Variants in ARID2 observed in about 807,000 individuals in gnomAD.
ARID2 encodes AT-rich interactive domain-containing protein 2.
In ARID2, 32 loss-of-function variants were observed where a neutral mutation model predicts 184.6. The ratio of observed to expected loss-of-function variants is 0.17; its 90% CI spans 0.13 to 0.23. The LOEUF (loss-of-function observed/expected upper bound fraction) is 0.23. ARID2 is among the 10% of genes least tolerant of loss of function. The pLI, the probability that ARID2 is intolerant of heterozygous loss-of-function variation, is 1.00. For synonymous variants in ARID2, 836 were observed against 772.6 expected, an observed-to-expected ratio of 1.08 and a Z score of -1.36; for missense variants, 1,696 against 2,197.6, an observed-to-expected ratio of 0.77 and a Z score of 4.56.
intron 6 of ARID2, among the ~76,000 whole-genome samples, chr12:45,831,980 C>T (rs1336904887): frequency 6.6e-6 from 1 of 151,984 alleles, no homozygotes; most frequent in Non-Finnish European, 1.5e-5. Context: ...TTATACATAG[C>T]GTTTCTTTAG....
At chr12:45,861,924 T>G in intron 16 of ARID2, among the ~76,000 whole-genome samples, 1 of 152,184 alleles carries the variant, frequency 6.6e-6, no homozygotes, top group South Asian at 2.1e-4. Flanking sequence ...TATCAAAGAT[T>G]CCATTTCACT....
chr12:45,738,141 C>T (rs1295722153), intron 3 of ARID2, among the ~76,000 whole-genome samples: 4 of 151,602 alleles, frequency 2.6e-5, no homozygotes, highest in South Asian at 2.1e-4. Context: ...ATTTGTTTTA[C>T]TGAATTTACT....
intron 16 of ARID2, chr12:45,874,297 T>C (rs1943973599): frequency 6.3e-6 from 1 of 158,546 alleles, no homozygotes; most frequent in Non-Finnish European, 1.4e-5. Flanking sequence ...GCCACTGCAC[T>C]CCAACCTGGA....
chr12:45,803,914 C>T (rs1942552934), intron 3 of ARID2, among the ~76,000 whole-genome samples: 1 of 152,162 alleles, frequency 6.6e-6, no homozygotes, highest in Non-Finnish European at 1.5e-5. Flanking sequence ...AAAGGTTCCA[C>T]TTGTCAAAAG....
chr12:45,893,747 A>C, intron 20 of ARID2, 26 bp downstream of exon 20: 1 of 1,476,322 alleles, frequency 6.8e-7, no homozygotes, highest in Non-Finnish European at 9.1e-7. Flanking sequence ...TCTGTAGCCA[A>C]AGTGAATTTA....
At chr12:45,738,779 C>CTTTTT (rs11333868) in intron 3 of ARID2, among the ~76,000 whole-genome samples, 840 of 62,116 alleles carry the variant, frequency 0.014, 106 homozygotes, top group East Asian at 0.062. Context: ...ATATGGGCTA[C>CTTTTT]TTTTTTTTTT....
intron 6 of ARID2, among the ~76,000 whole-genome samples, 199 bp from the exon 7 acceptor site, chr12:45,836,390 C>A (rs1435421405): frequency 6.6e-6 from 1 of 152,012 alleles, no homozygotes; most frequent in Non-Finnish European, 1.5e-5. Flanking sequence ...TTTAAATTTT[C>A]TAGTTTGTAG....
At position 45,851,962 on chromosome 12, in the gene ARID2, A is replaced by T. The variant is rs1330225883; in HGVS notation, c.3839A>T (p.Asn1280Ile). The T allele has an allele frequency of 1.9e-6, 3 of 1,614,024 alleles. No homozygotes were observed. Among genetic ancestry groups the T allele is most frequent in the Non-Finnish European group, 2.5e-6 (3 of 1,179,964 alleles). Residue 1280 changes from asparagine (N) to isoleucine (I), a missense_variant, in exon 15 of 21, where the codon AAT (asparagine) becomes ATT (isoleucine). Coordinates refer to ENST00000334344, the MANE Select transcript of ARID2 (RefSeq NM_152641.4). ...CGACGAGGAGCCACAAACACCAGCA[A>T]TGGGGATACAAAGGAAAATGAAATG... is the stretch of plus-strand genomic sequence containing the variant. Reference protein sequence around the residue: ...SCRRGATNTSNGDTKENEMHV... With the variant: ...SCRRGATNTSIGDTKENEMHV...
intron 3 of ARID2, among the ~76,000 whole-genome samples, chr12:45,751,820 G>A (rs138334068): frequency 8.1e-4 from 123 of 152,216 alleles, no homozygotes; most frequent in African/African-American, 2.8e-3. Flanking sequence ...CATATAAAAG[G>A]TACAGTAAAA....
intron 3 of ARID2, among the ~76,000 whole-genome samples, chr12:45,759,759 A>T (rs1256433587): frequency 6.6e-6 from 1 of 152,112 alleles, no homozygotes; most frequent in East Asian, 1.9e-4. Context: ...ATGGGGTTTC[A>T]CTTTGTTTCC....
intron 16 of ARID2, among the ~76,000 whole-genome samples, chr12:45,891,033 C>T (rs1944293498): frequency 6.6e-6 from 1 of 152,024 alleles, no homozygotes; most frequent in South Asian, 2.1e-4. Flanking sequence ...CGCATGGTGG[C>T]ATGTGCTTGT....
rs552070700 is a variant in ARID2 at position 45,773,172 on chromosome 12, C to A, written c.285-38246C>A. ...GTAACTAGTGAGTGAAAGAAGAAATCAGAAGTAAAGTTGGAAAATACTATG... is the reference window on the plus strand; with the variant it reads ...GTAACTAGTGAGTGAAAGAAGAAATAAGAAGTAAAGTTGGAAAATACTATG... On this transcript the variant is annotated intron_variant, in intron 3 of 20. Transcript: ENST00000334344. 2.0e-5 allele frequency among the ~76,000 whole-genome samples: 3 copies of A among 151,778 alleles called. No homozygotes were observed. In the East Asian group the frequency reaches 5.8e-4, roughly 29 times the overall value.
chr12:45,871,555 T>C (rs1281043749), intron 16 of ARID2, among the ~76,000 whole-genome samples: 1 of 152,192 alleles, frequency 6.6e-6, no homozygotes, highest in Non-Finnish European at 1.5e-5. Flanking sequence ...TGCAAGATTC[T>C]GGGATGTAGT....
intron 11 of ARID2, among the ~76,000 whole-genome samples, chr12:45,845,778 C>G (rs1402819659): frequency 1.3e-5 from 2 of 152,026 alleles, no homozygotes; most frequent in East Asian, 3.9e-4. Flanking sequence ...TTTGAGGGTT[C>G]TGAGAAGCTT....
intron 3 of ARID2, among the ~76,000 whole-genome samples, chr12:45,795,655 C>T (rs1356849938): frequency 1.3e-5 from 2 of 152,064 alleles, no homozygotes; most frequent in Admixed American, 1.3e-4. Context: ...CCAGGATGGT[C>T]TCGATCTCCT....
Position 45,807,976 on chromosome 12 carries a change from T to C in ARID2, c.285-3442T>C, listed in dbSNP as rs139021510. On this transcript the variant is annotated intron_variant, in intron 3 of 20. Transcript: ENST00000334344. ...CCCATTATATTGGTCACATTTAAGC[T>C]TTCTGGATTACAATATTTCACTAGT... 4.0e-3 allele frequency among the ~76,000 whole-genome samples: 617 copies of C among 152,348 alleles called. 4 individuals are homozygous for C. Among genetic ancestry groups the C allele is most frequent in the Middle Eastern group, 6.8e-3 (2 of 294 alleles).
intron 4 of ARID2, among the ~76,000 whole-genome samples, chr12:45,817,297 T>C (rs932242238): frequency 1.5e-4 from 23 of 152,090 alleles, no homozygotes; most frequent in African/African-American, 5.5e-4. Flanking sequence ...GAGGCTGCAG[T>C]GAGCTATGAA....
At chr12:45,732,360 C>T (rs924749524) in intron 3 of ARID2, among the ~76,000 whole-genome samples, 11 of 152,118 alleles carry the variant, frequency 7.2e-5, no homozygotes, top group African/African-American at 2.4e-4. Flanking sequence ...ATGCAGTAAT[C>T]GCACAGGTGT....
intron 3 of ARID2, among the ~76,000 whole-genome samples, chr12:45,776,841 G>A (rs1468522113): frequency 2.7e-5 from 4 of 145,924 alleles, no homozygotes; most frequent in Admixed American, 2.1e-4. Context: ...AGAGTACAGC[G>A]CCGTGATCTC....
Sources: allele counts gnomAD v4.1 joint callset (sites outside exome capture counted in the v4.1 genomes callset), GRCh38; gene constraint gnomAD v4.1.1; transcripts MANE v1.5; gene names NCBI Gene and HGNC (gene_info 2026-07-23, HGNC 2026-07-21).